Variants in NAALADL2 observed in about 807,000 individuals in gnomAD.
The protein encoded by NAALADL2 is inactive N-acetylated-alpha-linked acidic dipeptidase-like protein 2.
NAALADL2 carries 76 observed loss-of-function variants against 87.2 expected under a neutral mutation model. The ratio of observed to expected loss-of-function variants is 0.87; its 90% CI spans 0.72 to 1.05. The LOEUF (loss-of-function observed/expected upper bound fraction) is 1.05, where lower values mean the gene tolerates loss of function less well. Among genes scored for constraint, NAALADL2 ranks in the 50% least tolerant of loss-of-function variants. NAALADL2 has a pLI of 0.00. For synonymous variants in NAALADL2, 354 were observed against 331.0 expected (o/e 1.07, Z -0.75); for missense variants, 1,089 against 945.8 (o/e 1.15, Z -1.99).
At chr3:175,259,757 A>G (rs1750688604) in intron 4 of NAALADL2, among the ~76,000 whole-genome samples, 1 of 152,180 alleles carries the variant, frequency 6.6e-6, no homozygotes, top group Admixed American at 6.5e-5. Context: ...AATTTTTTCT[A>G]ACCTGGCCGG....
At chr3:175,138,059 C>CG (rs1245463499) in intron 2 of NAALADL2, among the ~76,000 whole-genome samples, 1 of 152,012 alleles carries the variant, frequency 6.6e-6, no homozygotes, top group Non-Finnish European at 1.5e-5. Context: ...GGCCATGGGG[C>CG]GGGGGTGAGG....
intron 9 of NAALADL2, among the ~76,000 whole-genome samples, chr3:175,567,368 C>T (rs559105371): frequency 2.0e-5 from 3 of 149,954 alleles, no homozygotes; most frequent in Non-Finnish European, 4.5e-5. Context: ...CAAATATTTT[C>T]GTATTTCTCT....
chr3:174,962,546 G>A (rs2108566925), intron 1 of NAALADL2, among the ~76,000 whole-genome samples: 1 of 151,618 alleles, frequency 6.6e-6, no homozygotes, highest in East Asian at 1.9e-4. Flanking sequence ...GCAGAAGAGA[G>A]TTGTGATATA....
intron 5 of NAALADL2, among the ~76,000 whole-genome samples, chr3:175,358,890 A>G (rs1021030374): frequency 3.3e-5 from 5 of 152,120 alleles, no homozygotes; most frequent in Non-Finnish European, 7.4e-5. Flanking sequence ...CCTCTGGGAA[A>G]CTGGTCCTGG....
chr3:174,750,784 T>A (rs1734747825), intron 3 of NAALADL2, among the ~76,000 whole-genome samples: 1 of 152,148 alleles, frequency 6.6e-6, no homozygotes, highest in Non-Finnish European at 1.5e-5. Context: ...ATCCACTCAT[T>A]GCTCTCTTAG....
At chr3:175,256,814 T>C (rs1750032874) in intron 4 of NAALADL2, 2 of 206,082 alleles carry the variant, frequency 9.7e-6, no homozygotes, top group Non-Finnish European at 1.9e-5. Flanking sequence ...TTAATAAAAT[T>C]GGCATACTCT....
intron 13 of NAALADL2, among the ~76,000 whole-genome samples, chr3:175,783,701 T>C (rs1195879139): frequency 6.6e-6 from 1 of 151,460 alleles, no homozygotes; most frequent in Non-Finnish European, 1.5e-5. Context: ...TATTTCCTTC[T>C]CCTGCCTAAT....
chr3:174,970,091 A>C (rs1743417870), intron 1 of NAALADL2, among the ~76,000 whole-genome samples: 2 of 152,148 alleles, frequency 1.3e-5, no homozygotes, highest in Non-Finnish European at 2.9e-5. Flanking sequence ...TTAATGGTTA[A>C]TTCTAGTGAC....
chr3:175,261,313 A>C (rs1327054952), intron 4 of NAALADL2, among the ~76,000 whole-genome samples: 1 of 152,120 alleles, frequency 6.6e-6, no homozygotes, highest in Non-Finnish European at 1.5e-5. Context: ...CAATGAAAGC[A>C]TTTGACTTTC....
intron 1 of NAALADL2, among the ~76,000 whole-genome samples, chr3:174,475,378 A>G (rs1717154242): frequency 2.0e-5 from 3 of 151,968 alleles, no homozygotes; most frequent in Admixed American, 1.3e-4. Context: ...ATTTCAGAGA[A>G]GATATTAGAT....
intron 1 of NAALADL2, among the ~76,000 whole-genome samples, chr3:175,053,404 G>C (rs966695660): frequency 2.0e-5 from 3 of 152,136 alleles, no homozygotes; most frequent in Non-Finnish European, 4.4e-5. Flanking sequence ...ATCCTCCCCA[G>C]GTGGTTGGCT....
At chr3:174,515,298 C>A (rs1719877465) in intron 1 of NAALADL2, among the ~76,000 whole-genome samples, 1 of 152,024 alleles carries the variant, frequency 6.6e-6, no homozygotes, top group South Asian at 2.1e-4. Flanking sequence ...TTAATAAAAT[C>A]TTGCTTTAAA....
chr3:174,500,424 T>TC (rs984634721), intron 1 of NAALADL2, among the ~76,000 whole-genome samples: 2 of 152,034 alleles, frequency 1.3e-5, no homozygotes, highest in African/African-American at 4.8e-5. Flanking sequence ...TTTATTTTTT[T>TC]CCCCCTCCTC....
intron 9 of NAALADL2, among the ~76,000 whole-genome samples, chr3:175,490,480 G>T (rs1051640048): frequency 1.3e-5 from 2 of 151,762 alleles, no homozygotes; most frequent in Non-Finnish European, 2.9e-5. Context: ...TCTGCCTCCC[G>T]GGTTCACACC....
chr3:175,039,116 T>A (rs1260634399), intron 1 of NAALADL2, among the ~76,000 whole-genome samples: 1 of 152,156 alleles, frequency 6.6e-6, no homozygotes, highest in Non-Finnish European at 1.5e-5. Flanking sequence ...ATGTTTTCTT[T>A]CCTTATCTCC....
Position 175,013,295 on chromosome 3 carries a change from A to AT in NAALADL2, c.44-83494dup, listed in dbSNP as rs1220823542. Among the ~76,000 whole-genome samples, 180 of 77,396 alleles carry AT rather than the reference A, an allele frequency of 2.3e-3. 5 individuals are homozygous for AT. Among genetic ancestry groups the AT allele is most frequent in the Non-Finnish European group, 2.8e-3 (129 of 46,582 alleles). The allele number at this position is 77,396 out of a possible 152,430, so 50.8% of individuals were successfully genotyped here. ...TATATATACATATATATATATATAT[A>AT]TATATATTTTTTTTTTTTTTTGAGA... On this transcript the variant is annotated intron_variant, in intron 1 of 13. Transcript: ENST00000454872.
intron 5 of NAALADL2, among the ~76,000 whole-genome samples, chr3:175,394,905 T>C (rs1332526592): frequency 6.6e-6 from 1 of 152,126 alleles, no homozygotes; most frequent in Non-Finnish European, 1.5e-5. Context: ...CATTCTTACC[T>C]CCGATTTTAG....
intron 1 of NAALADL2, among the ~76,000 whole-genome samples, chr3:174,952,868 C>T (rs942325887): frequency 3.3e-5 from 5 of 152,032 alleles, no homozygotes; most frequent in African/African-American, 1.2e-4. Flanking sequence ...ACTTGTAGGT[C>T]AAATGAATAT....
At chr3:175,138,234 G>A (rs1729423592) in intron 2 of NAALADL2, among the ~76,000 whole-genome samples, 1 of 152,150 alleles carries the variant, frequency 6.6e-6, no homozygotes, top group African/African-American at 2.4e-5. Context: ...TATTCTAGAA[G>A]ACTGAATACA....
Sources: gnomAD v4.1 joint callset for allele counts (sites outside exome capture counted in the v4.1 genomes callset) on GRCh38, gnomAD v4.1.1 for gene constraint, MANE v1.5 for transcripts, NCBI Gene and HGNC (gene_info 2026-07-23, HGNC 2026-07-21) for gene names.